Variants in HSD17B6 observed in about 807,000 individuals in gnomAD.
The protein encoded by HSD17B6 is 17-beta-hydroxysteroid dehydrogenase type 6.
Under a neutral mutation model 26.4 loss-of-function variants are expected in HSD17B6, and 16 were observed. The ratio of observed to expected loss-of-function variants is 0.61; its 90% CI spans 0.41 to 0.92. The LOEUF (loss-of-function observed/expected upper bound fraction) is 0.92, where lower values mean the gene tolerates loss of function less well. Among genes scored for constraint, HSD17B6 ranks in the 40% least tolerant of loss-of-function variants. The probability of loss-of-function intolerance (pLI) is 0.00; values close to 1 mark genes in which losing one functional copy is unlikely to be tolerated. For synonymous variants in HSD17B6, 139 were observed against 153.0 expected (o/e 0.91, Z 0.68); for missense variants, 357 against 386.1 (o/e 0.92, Z 0.63).
chr12:56,782,069 A>G lies in HSD17B6; in HGVS notation c.409A>G (p.Asn137Asp). 1.2e-6 allele frequency: 2 copies of G among 1,614,188 alleles called. No homozygotes were observed. The highest frequency in any genetic ancestry group is 1.7e-6 in the Non-Finnish European group (2 of 1,180,032). The change falls in exon 3 of 5, where the codon AAC (asparagine) becomes GAC (aspartate). Residue 137 changes from asparagine to aspartate, a missense_variant. Transcript: ENST00000322165. ...GGACTCTATGAATATGCTCAAAGTG[A>G]ACCTCATTGGTGTGATCCAGGTGAC... ...TEDSMNMLKV[N>D]LIGVIQVTLS...
chr12:56,765,121 G>A (rs1315122712), intron 1 of HSD17B6, among the ~76,000 whole-genome samples: 1 of 152,048 alleles, frequency 6.6e-6, no homozygotes, highest in Admixed American at 6.6e-5. Context: ...ACCATGCCTG[G>A]CCTCATGATT....
rs60596799 is a variant in HSD17B6, at chr12:56,777,365, A to ATTTTTTTTT, written c.313+3207_313+3215dup. ...CTTGCCTTGGCCTTCCAAAGTGTAA[A>ATTTTTTTTT]TTTTTTTTTTTTTTTGGAAATGGAG... On this transcript the variant is annotated intron_variant, in intron 2 of 4. Coordinates refer to ENST00000322165, the MANE Select transcript of HSD17B6 (RefSeq NM_003725.4). Among the ~76,000 whole-genome samples, 440 of 138,852 alleles carry ATTTTTTTTT rather than the reference A, an allele frequency of 3.2e-3. 7 individuals are homozygous for ATTTTTTTTT. Among genetic ancestry groups the ATTTTTTTTT allele is most frequent in the African/African-American group, 0.011 (380 of 35,414 alleles). The allele number at this position is 138,852 out of a possible 152,430, so 91.1% of individuals were successfully genotyped here. A position where few individuals can be genotyped will look rare whatever the true frequency, so the allele number is the denominator to read the frequency against.
chr12:56,772,916 A>G (rs1425360371), intron 1 of HSD17B6, among the ~76,000 whole-genome samples: 2 of 152,168 alleles, frequency 1.3e-5, no homozygotes, highest in African/African-American at 4.8e-5. Flanking sequence ...TTTGAATTGC[A>G]TAGACTAGCC....
intron 2 of HSD17B6, among the ~76,000 whole-genome samples, chr12:56,777,840 A>C (rs1954626470): frequency 6.6e-6 from 1 of 152,154 alleles, no homozygotes; most frequent in South Asian, 2.1e-4. Context: ...TGGGCAACAC[A>C]GTGAGATACC....
chr12:56,777,467 C>T (rs1435063763), intron 2 of HSD17B6, among the ~76,000 whole-genome samples: 2 of 150,976 alleles, frequency 1.3e-5, no homozygotes, highest in African/African-American at 2.4e-5. Flanking sequence ...CAGGTTCAAG[C>T]GATTCTCCTG....
At chr12:56,776,234 G>A (rs973845083) in intron 2 of HSD17B6, among the ~76,000 whole-genome samples, 1 of 149,954 alleles carries the variant, frequency 6.7e-6, no homozygotes, top group Non-Finnish European at 1.5e-5. Context: ...CTGGAATAAT[G>A]TTATATGTAG....
chr12:56,773,591 C>T (rs113354573), intron 1 of HSD17B6, among the ~76,000 whole-genome samples: 29 of 152,286 alleles, frequency 1.9e-4, no homozygotes, highest in South Asian at 4.1e-4. Context: ...GCTAGGCTAT[C>T]GGTCATCTTC....
chr12:56,768,500 T>C (rs897884722), intron 1 of HSD17B6, among the ~76,000 whole-genome samples: 6 of 151,986 alleles, frequency 3.9e-5, no homozygotes, highest in African/African-American at 1.5e-4. Flanking sequence ...CAGAGAAATT[T>C]AGAGCAGAGG....
At chr12:56,783,359 A>G (rs868463520) in intron 3 of HSD17B6, among the ~76,000 whole-genome samples, 34 of 90,742 alleles carry the variant, frequency 3.7e-4, no homozygotes, top group South Asian at 7.8e-4. Context: ...CTGGCCGGGC[A>G]GGGGGCTGAG....
intron 3 of HSD17B6, 108 bp from the exon 4 acceptor site, chr12:56,784,744 TA>T (rs1406061464): frequency 1.7e-6 from 2 of 1,154,654 alleles, no homozygotes; most frequent in Admixed American, 4.5e-5. Context: ...CTTTATTCTT[TA>T]AAATATTCAG....
At chr12:56,771,241 C>A (rs1206607977) in intron 1 of HSD17B6, among the ~76,000 whole-genome samples, 1 of 152,160 alleles carries the variant, frequency 6.6e-6, no homozygotes, top group Non-Finnish European at 1.5e-5. Context: ...TGCATTACCA[C>A]CTATTCCTGT....
At position 56,782,174 on chromosome 12, in the gene HSD17B6, T is replaced by C; in HGVS notation, c.514T>C (p.Phe172Leu). 1 of 1,614,216 alleles carries C rather than the reference T, an allele frequency of 6.2e-7. No individual in the cohort carries two copies. The highest frequency in any genetic ancestry group is 8.5e-7 in the Non-Finnish European group (1 of 1,180,040). The change falls in exon 3 of 5, where the codon TTT (phenylalanine) becomes CTT (leucine). Residue 172 changes from phenylalanine to leucine, a missense_variant. Physicochemically the swap from Phe to Leu is conservative, Grantham distance 22. Coordinates refer to ENST00000322165, the MANE Select transcript of HSD17B6 (RefSeq NM_003725.4). Reference protein sequence around the residue: ...VSSILGRVAFFVGGYCVSKYG... With the variant: ...VSSILGRVAFLVGGYCVSKYG... ...CAGCATTCTGGGAAGAGTTGCTTTC[T>C]TTGTAGGAGGCTACTGTGTCTCCAA...
At chr12:56,765,947 A>G (rs1239797599) in intron 1 of HSD17B6, among the ~76,000 whole-genome samples, 2 of 152,186 alleles carry the variant, frequency 1.3e-5, no homozygotes, top group Non-Finnish European at 2.9e-5. Flanking sequence ...CTGCATGTAT[A>G]CATCCAGATG....
At chr12:56,778,530 G>A (rs2137917821) in intron 2 of HSD17B6, among the ~76,000 whole-genome samples, 1 of 152,170 alleles carries the variant, frequency 6.6e-6, no homozygotes, top group Non-Finnish European at 1.5e-5. Flanking sequence ...GCCCGCCTCG[G>A]CCTCCCAAAG....
intron 1 of HSD17B6, among the ~76,000 whole-genome samples, chr12:56,769,959 A>T (rs1414745723): frequency 6.6e-6 from 1 of 152,214 alleles, no homozygotes; most frequent in East Asian, 1.9e-4. Flanking sequence ...TAATGGGGGA[A>T]ATACGTTTTC....
chr12:56,777,365 A>ATTTTTTTTTT (rs60596799), intron 2 of HSD17B6, among the ~76,000 whole-genome samples: 2 of 138,914 alleles, frequency 1.4e-5, no homozygotes, highest in Admixed American at 7.2e-5. Flanking sequence ...CAAAGTGTAA[A>ATTTTTTTTTT]TTTTTTTTTT....
chr12:56,763,684 G>A lies in HSD17B6; in HGVS notation c.-20+270G>A, dbSNP rs377616884. Among the ~76,000 whole-genome samples, 95 of 151,986 alleles carry A rather than the reference G, an allele frequency of 6.3e-4. No homozygotes were observed. In the South Asian group the frequency reaches 8.3e-3, roughly 13 times the overall value. Reference sequence around the variant, plus strand: ...TTCATACTTACAAATAGGGACTCTGGGTATCCTCTGAAAACGGGATTCTCG... The same window carrying A: ...TTCATACTTACAAATAGGGACTCTGAGTATCCTCTGAAAACGGGATTCTCG... On this transcript the variant is annotated intron_variant, in intron 1 of 4. Transcript: ENST00000322165.
At chr12:56,778,120 C>G (rs552869672) in intron 2 of HSD17B6, among the ~76,000 whole-genome samples, 1 of 152,300 alleles carries the variant, frequency 6.6e-6, no homozygotes, top group South Asian at 2.1e-4. Flanking sequence ...CCTCTATACT[C>G]ATACTTTTGT....
intron 2 of HSD17B6, among the ~76,000 whole-genome samples, chr12:56,778,674 CT>C (rs1159153527): frequency 0.072 from 8,871 of 122,788 alleles, 240 homozygotes; most frequent in African/African-American, 0.17. Flanking sequence ...GAGTCTTTTT[CT>C]TTTTTTTTTT....
Sources: allele counts gnomAD v4.1 joint callset (sites outside exome capture counted in the v4.1 genomes callset), GRCh38; gene constraint gnomAD v4.1.1; transcripts MANE v1.5; gene names NCBI Gene and HGNC (gene_info 2026-07-23, HGNC 2026-07-21).